The following ELP3 variants were observed in gnomAD, a reference collection of about 807,000 sequenced individuals.
ELP3 encodes elongator acetyltransferase complex subunit 3, also known as elongator complex protein 3.
A neutral mutation model predicts 74.9 loss-of-function variants in ELP3; 56 were observed. That is an observed-to-expected ratio of 0.75 (90% CI 0.60 to 0.93). ELP3 has a LOEUF of 0.93. Among genes scored for constraint, ELP3 ranks in the 40% least tolerant of loss-of-function variants. The pLI is 0.00. For missense variants in ELP3, 573 were observed against 686.5 expected (o/e 0.83, Z 1.85); for synonymous variants, 222 against 239.8 (o/e 0.93, Z 0.68).
chr8:28,183,473 G>T (rs1000425510), intron 14 of ELP3, among the ~76,000 whole-genome samples: 3 of 152,138 alleles, frequency 2.0e-5, no homozygotes, highest in Admixed American at 6.5e-5. Flanking sequence ...CCCCAGGCTG[G>T]AGTGCAGTGG....
intron 3 of ELP3, 113 bp downstream of exon 3, chr8:28,100,079 G>C: frequency 7.4e-7 from 1 of 1,347,434 alleles, no homozygotes; most frequent in Non-Finnish European, 1.0e-6. Context: ...CTGAACTAAT[G>C]AAGTCCCTGT....
intron 14 of ELP3, 94 bp from the exon 15 acceptor site, chr8:28,189,555 G>T: frequency 8.5e-7 from 1 of 1,179,276 alleles, no homozygotes; most frequent in Non-Finnish European, 1.3e-6. Flanking sequence ...TTTGGTCTCT[G>T]GGTGGGAGAG....
chr8:28,090,343 T>C, upstream of ELP3: 1 of 384,792 alleles, frequency 2.6e-6, no homozygotes, highest in Non-Finnish European at 5.1e-6. Flanking sequence ...GTGAGTGTAG[T>C]GCCCAACTCT....
intron 12 of ELP3, 130 bp from the exon 13 acceptor site, chr8:28,160,096 AAAG>A (rs765298962): frequency 5.2e-5 from 42 of 808,758 alleles, no homozygotes; most frequent in Non-Finnish European, 7.7e-5. Context: ...AGACAAGTAA[AAAG>A]AAACATAATT....
chr8:28,105,572 C>G (rs568965761), intron 3 of ELP3, among the ~76,000 whole-genome samples: 1 of 152,196 alleles, frequency 6.6e-6, no homozygotes, highest in Non-Finnish European at 1.5e-5. Flanking sequence ...CAGACTCTCT[C>G]AGTGGACCAA....
intron 14 of ELP3, among the ~76,000 whole-genome samples, chr8:28,175,191 G>T (rs1350856989): frequency 6.6e-6 from 1 of 152,002 alleles, no homozygotes; most frequent in African/African-American, 2.4e-5. Context: ...CAACAAATTT[G>T]GGAAGTATTC....
At chr8:28,179,252 G>A (rs936398738) in intron 14 of ELP3, among the ~76,000 whole-genome samples, 11 of 152,166 alleles carry the variant, frequency 7.2e-5, no homozygotes, top group African/African-American at 2.7e-4. Flanking sequence ...TTCTATCTTT[G>A]CTATATCTTC....
intron 7 of ELP3, among the ~76,000 whole-genome samples, chr8:28,115,238 C>T (rs1198401417): frequency 1.3e-5 from 2 of 151,930 alleles, no homozygotes; most frequent in East Asian, 1.9e-4. Flanking sequence ...TCTGAGCTGA[C>T]GGTACGAAAC....
intron 7 of ELP3, among the ~76,000 whole-genome samples, chr8:28,123,309 A>C (rs941026565): frequency 2.0e-5 from 3 of 152,158 alleles, no homozygotes; most frequent in African/African-American, 7.2e-5. Flanking sequence ...TTAATTTCCA[A>C]ATTTCCAGAC....
chr8:28,112,946 GA>G (rs1811977945), intron 6 of ELP3, 72 bp from the exon 7 acceptor site: 8 of 1,365,188 alleles, frequency 5.9e-6, no homozygotes, highest in Non-Finnish European at 8.0e-6. Context: ...TGCAAAATAA[GA>G]GATTTGCAAT....
chr8:28,116,147 C>T (rs1366596444), intron 7 of ELP3, among the ~76,000 whole-genome samples: 1 of 152,100 alleles, frequency 6.6e-6, no homozygotes, highest in African/African-American at 2.4e-5. Context: ...TTTGTGCCCT[C>T]GCTACTCCCC....
At chr8:28,187,819 T>G (rs961502175) in intron 14 of ELP3, among the ~76,000 whole-genome samples, 2 of 152,004 alleles carry the variant, frequency 1.3e-5, no homozygotes, top group Non-Finnish European at 2.9e-5. Flanking sequence ...TCCATGCAAT[T>G]TAGACATTCA....
intron 7 of ELP3, chr8:28,113,582 G>A (rs1367313121): frequency 6.5e-6 from 1 of 152,950 alleles, no homozygotes; most frequent in Non-Finnish European, 1.5e-5. Context: ...TTATTAAATA[G>A]TAACTGTTTA....
chr8:28,137,942 T>C (rs748808116), intron 10 of ELP3, 51 bp downstream of exon 10: 2 of 1,446,680 alleles, frequency 1.4e-6, no homozygotes, highest in Admixed American at 2.9e-5. Flanking sequence ...GTCTGTTTAC[T>C]ATTTCTCATG....
chr8:28,180,503 G>A lies in ELP3; in HGVS notation c.1568-9146G>A, dbSNP rs192892456. 1.7e-3 allele frequency among the ~76,000 whole-genome samples: 262 copies of A among 152,304 alleles called. 4 individuals carry two copies. The highest frequency in any genetic ancestry group is 0.017 in the Admixed American group (258 of 15,292). The stretch of plus-strand genomic sequence containing the variant: ...ATGTTTCCAGTTGTTTTCAGACATT[G>A]AACATAGTAAGCATACCTGTTTGCA... On this transcript the variant is annotated intron_variant, in intron 14 of 14. Coordinates refer to ENST00000256398, the MANE Select transcript of ELP3 (RefSeq NM_018091.6).
In ELP3 at chr8:28,106,765, T is replaced by C; in HGVS notation, c.311T>C (p.Phe104Ser). 6.2e-7 allele frequency: 1 copy of C among 1,612,556 alleles called. No individual in the cohort carries two copies. Among genetic ancestry groups the C allele is most frequent in the Non-Finnish European group, 8.5e-7 (1 of 1,179,560 alleles). Reference sequence around the variant, plus strand: ...CCCCACAGATGTCCACACATCAGTTTTACAGGAAATATATGTGTGTAAGTA... The same window carrying C: ...CCCCACAGATGTCCACACATCAGTTCTACAGGAAATATATGTGTGTAAGTA... ...CKPHRCPHIS[F>S]TGNICVYCPG... Residue 104 changes from phenylalanine to serine, a missense_variant, in exon 4 of 15, where the codon TTT becomes TCT. Phe to Ser is a radical substitution (Grantham distance 155). Coordinates refer to ENST00000256398, the MANE Select transcript of ELP3 (RefSeq NM_018091.6).
At chr8:28,099,767 C>T in intron 2 of ELP3, 61 bp from the exon 3 acceptor site, 1 of 1,586,464 alleles carries the variant, frequency 6.3e-7, no homozygotes, top group Non-Finnish European at 8.6e-7. Context: ...ATAGATCATC[C>T]TCTTGGTAGC....
intron 7 of ELP3, among the ~76,000 whole-genome samples, chr8:28,125,047 TG>T (rs1812517959): frequency 6.6e-6 from 1 of 152,182 alleles, no homozygotes; most frequent in Non-Finnish European, 1.5e-5. Context: ...AGCAGAGCAT[TG>T]GGCAGAACTT....
chr8:28,151,922 T>G (rs1355972935), intron 10 of ELP3, among the ~76,000 whole-genome samples: 2 of 152,208 alleles, frequency 1.3e-5, no homozygotes, highest in Non-Finnish European at 2.9e-5. Context: ...CTCACAATAT[T>G]GTAGGAGTTG....
Sources: allele counts gnomAD v4.1 joint callset (sites outside exome capture counted in the v4.1 genomes callset), GRCh38; gene constraint gnomAD v4.1.1; transcripts MANE v1.5; gene names NCBI Gene and HGNC (gene_info 2026-07-23, HGNC 2026-07-21).